Variants in RAD50 observed in about 807,000 individuals in gnomAD.
The protein encoded by RAD50 is DNA repair protein RAD50.
In RAD50, 132 loss-of-function variants were observed where a neutral mutation model predicts 168.8. The ratio of observed to expected loss-of-function variants is 0.78; its 90% confidence interval spans 0.68 to 0.90. The LOEUF (loss-of-function observed/expected upper bound fraction) is 0.90. Ranked by LOEUF, RAD50 falls within the 40% of genes least tolerant of loss-of-function variation. The pLI is 0.00. For missense variants in RAD50, 1,347 were observed against 1,534.4 expected (o/e 0.88, Z 2.04); for synonymous variants, 525 against 497.4 (o/e 1.06, Z -0.74).
In RAD50 at chr5:132,557,221, A is replaced by G; in HGVS notation, c.-104A>G. 6.7e-7 allele frequency: 1 copy of G among 1,489,808 alleles called. No individual in the cohort carries two copies. 92.3% of individuals were successfully genotyped at this position (1,489,808 alleles called of 1,614,324 possible). ...CTCGCTCCCCGCCCGGATCCTCCTGACCCTGAGATTCGCGGGTCTCACGTC... is the reference window on the plus strand; with the variant it reads ...CTCGCTCCCCGCCCGGATCCTCCTGGCCCTGAGATTCGCGGGTCTCACGTC... On this transcript the variant is annotated 5_prime_UTR_variant, in exon 1 of 25. Coordinates refer to ENST00000378823, the MANE Select transcript of RAD50 (RefSeq NM_005732.4).
At chr5:132,620,006 G>A (rs903070580) in intron 21 of RAD50, among the ~76,000 whole-genome samples, 2 of 150,472 alleles carry the variant, frequency 1.3e-5, no homozygotes, top group African/African-American at 2.4e-5. Flanking sequence ...CCAGGTTCAC[G>A]CCATTCTCCT....
intron 19 of RAD50, among the ~76,000 whole-genome samples, chr5:132,611,959 A>G (rs958074550): frequency 6.6e-6 from 1 of 152,206 alleles, no homozygotes; most frequent in African/African-American, 2.4e-5. Context: ...ATGTTTAGAA[A>G]GCAAAGGTTC....
Position 132,557,463 on chromosome 5 carries a change from C to G in RAD50, c.129+10C>G. 1 of 1,614,118 alleles carries G rather than the reference C, an allele frequency of 6.2e-7. No homozygotes were observed. The highest frequency in any genetic ancestry group is 8.5e-7 in the Non-Finnish European group (1 of 1,179,928). ...TGGGGCGGGAAAGACGGTAAGTCTT[C>G]AGTAGCCGCCTTCAGTTTACAGGTC... On this transcript the variant is annotated intron_variant, in intron 1 of 24. Transcript: ENST00000378823.
intron 9 of RAD50, among the ~76,000 whole-genome samples, chr5:132,590,710 C>T (rs1157886540): frequency 6.6e-6 from 1 of 152,138 alleles, no homozygotes; most frequent in African/African-American, 2.4e-5. Context: ...TCTTAAAGCC[C>T]ATCTTGATAA....
intron 19 of RAD50, among the ~76,000 whole-genome samples, 200 bp from the exon 20 acceptor site, chr5:132,615,803 C>G (rs1305728206): frequency 2.6e-5 from 4 of 152,176 alleles, no homozygotes; most frequent in Non-Finnish European, 5.9e-5. Flanking sequence ...AGGTATTACA[C>G]TTGTCACTGT....
intron 21 of RAD50, among the ~76,000 whole-genome samples, chr5:132,619,304 T>C (rs887596209): frequency 1.3e-5 from 2 of 152,226 alleles, no homozygotes; most frequent in African/African-American, 4.8e-5. Context: ...AAGGGTTTAT[T>C]TGATGGATCC....
rs372808845 is a variant in RAD50, at chr5:132,595,777, G to A, written c.2174G>A (p.Arg725Gln). 15 of 1,612,318 alleles carry A rather than the reference G, an allele frequency of 9.3e-6. No homozygotes were observed. The highest frequency in any genetic ancestry group is 1.7e-5 in the Admixed American group (1 of 59,998). ...TESELKKKEKRRDEMLGLVPM... is the reference protein window; with the variant it reads ...TESELKKKEKQRDEMLGLVPM... The stretch of plus-strand genomic sequence containing the variant: ...TCAGAGCTAAAAAAAAAGGAAAAGC[G>A]GCGTGATGAAATGCTGGGACTTGTG... The change falls in exon 13 of 25, where the codon CGG becomes CAG. Residue 725 changes from arginine to glutamine, a missense_variant. Physicochemically the swap from Arg to Gln is conservative, Grantham distance 43. This residue lies in a region of RAD50 where 635 missense variants were observed against 739.2 expected (regional missense o/e 0.86). Transcript: ENST00000378823.
intron 1 of RAD50, 144 bp from the exon 2 acceptor site, chr5:132,559,140 A>G: frequency 1.2e-6 from 1 of 803,564 alleles, no homozygotes; most frequent in Non-Finnish European, 1.8e-6. Flanking sequence ...ACACTTAATC[A>G]TATTTTTATT....
intron 23 of RAD50, 142 bp downstream of exon 23, chr5:132,638,365 C>T (rs921202281): frequency 3.1e-6 from 3 of 976,952 alleles, no homozygotes; most frequent in Non-Finnish European, 4.7e-6. Context: ...TCAGGCTCAG[C>T]TACTATTATT....
Position 132,603,436 on chromosome 5 carries a change from G to C in RAD50, c.2344G>C (p.Glu782Gln), listed in dbSNP as rs900666689. The C allele has an allele frequency of 2.0e-5, 33 of 1,614,002 alleles. No homozygotes were observed. Among genetic ancestry groups the C allele is most frequent in the Non-Finnish European group, 2.8e-5 (33 of 1,179,930 alleles). ...ETLLGTIMPE[E>Q]ESAKVCLTDV... ...ACTCTTGGGTACAATAATGCCTGAA[G>C]AAGAAAGTGCCAAAGTATGCCTGAC... The change falls in exon 14 of 25, where the codon GAA becomes CAA. Residue 782 changes from glutamate (E) to glutamine (Q), a missense_variant. Around this residue, in one of 3 missense-constraint regions of RAD50, gnomAD observed 635 missense variants for 739.2 expected, o/e 0.86. Coordinates refer to ENST00000378823, the MANE Select transcript of RAD50 (RefSeq NM_005732.4).
intron 5 of RAD50, 138 bp downstream of exon 5, chr5:132,580,204 G>A: frequency 1.4e-6 from 1 of 694,096 alleles, no homozygotes; most frequent in South Asian, 1.9e-5. Flanking sequence ...TTTATGGTGA[G>A]AACACTTAAA....
chr5:132,608,627 C>T lies in RAD50; in HGVS notation c.2731C>T (p.Gln911Ter). ...TTTATATTTTTAGGATGCTAAAGAG[C>T]AGGTAAGCCCTTTGGAAACAACATT... ...LYREIKDAKEQVSPLETTLEK... is the reference protein window; with the variant it reads ...LYREIKDAKE Residue 911 changes from glutamine (Q) to a stop codon, truncating the protein, a stop_gained, in exon 17 of 25, where the codon CAG (glutamine) becomes TAG (stop). Coordinates refer to ENST00000378823, the MANE Select transcript of RAD50 (RefSeq NM_005732.4). LOFTEE classifies it high-confidence loss of function. 6.3e-7 allele frequency: 1 copy of T among 1,588,108 alleles called. No homozygotes were observed. Among genetic ancestry groups the T allele is most frequent in the Non-Finnish European group, 8.6e-7 (1 of 1,167,398 alleles).
chr5:132,625,095 T>TC (rs1307822013), intron 21 of RAD50, among the ~76,000 whole-genome samples: 2 of 151,582 alleles, frequency 1.3e-5, no homozygotes, highest in African/African-American at 4.8e-5. Context: ...AATTCTTTTT[T>TC]TTTTTTTTTG....
chr5:132,617,980 T>G (rs749925368), intron 20 of RAD50, 90 bp from the exon 21 acceptor site: 27 of 1,054,374 alleles, frequency 2.6e-5, no homozygotes, highest in Non-Finnish European at 4.0e-5. Context: ...AGAATGATAC[T>G]TAACCTATCT....
At position 132,644,249 on chromosome 5, in the gene RAD50, T is replaced by A. The variant is rs954222646; in HGVS notation, c.*1885T>A. 2.5e-4 allele frequency: 43 copies of A among 174,600 alleles called. No homozygotes were observed. Among genetic ancestry groups the A allele is most frequent in the Non-Finnish European group, 6.2e-5 (5 of 80,914 alleles). The allele number at this position is 174,600 out of a possible 1,614,324, so 10.8% of individuals were successfully genotyped here. A position where few individuals can be genotyped will look rare whatever the true frequency, so the allele number is the denominator to read the frequency against. On this transcript the variant is annotated 3_prime_UTR_variant, in exon 25 of 25. Transcript: ENST00000378823. ...CCTTGGCAGCACTTCTGAGAGTGGC[T>A]GCTTTCATTCCAAGAAGCCCATGGG...
chr5:132,557,689 C>A lies in RAD50; in HGVS notation c.129+236C>A, dbSNP rs73257757. On this transcript the variant is annotated intron_variant, in intron 1 of 24. Transcript: ENST00000378823. ...GGACAAGGTTTACTTAAGAATCCCA[C>A]GATACCGGGAGCTGTCGCCGCTCAC... Among the ~76,000 whole-genome samples the A allele has an allele frequency of 0.015, 2,216 of 152,224 alleles. 66 individuals carry two copies. Among genetic ancestry groups the A allele is most frequent in the African/African-American group, 0.051 (2,117 of 41,508 alleles).
At chr5:132,607,690 T>C (rs895036101) in intron 16 of RAD50, among the ~76,000 whole-genome samples, 2 of 152,206 alleles carry the variant, frequency 1.3e-5, no homozygotes, top group Admixed American at 1.3e-4. Context: ...AATCTCTTTA[T>C]AGAAAAATTG....
chr5:132,604,358 C>T (rs1175414922), intron 15 of RAD50, among the ~76,000 whole-genome samples: 4 of 151,798 alleles, frequency 2.6e-5, no homozygotes, highest in African/African-American at 9.7e-5. Flanking sequence ...CTCCGCCTCC[C>T]GGGTTCAAGT....
intron 21 of RAD50, among the ~76,000 whole-genome samples, chr5:132,634,478 A>G (rs914697895): frequency 6.6e-6 from 1 of 152,086 alleles, no homozygotes; most frequent in African/African-American, 2.4e-5. Context: ...TAAGCATACA[A>G]TTCTGTCACC....
Sources: gnomAD v4.1 joint callset for allele counts (sites outside exome capture counted in the v4.1 genomes callset) on GRCh38, gnomAD v4.1.1 for gene constraint, gnomAD v4.1.1 regional missense constraint, MANE v1.5 for transcripts, NCBI Gene and HGNC (gene_info 2026-07-23, HGNC 2026-07-21) for gene names.